The following ARHGAP42 variants were observed in gnomAD, a reference collection of about 807,000 sequenced individuals.
ARHGAP42 encodes the protein Rho GTPase activating protein 42, also known as rho GTPase-activating protein 42.
ARHGAP42 carries 63 observed loss-of-function variants against 125.0 expected under a neutral mutation model. That is an observed-to-expected ratio of 0.50 (90% CI 0.41 to 0.62). The LOEUF is 0.62. ARHGAP42 is among the 20% of genes least tolerant of loss of function. The pLI, the probability that ARHGAP42 is intolerant of heterozygous loss-of-function variation, is 0.00. For missense variants in ARHGAP42, 766 were observed against 1,024.2 expected (o/e 0.75, Z 3.44); for synonymous variants, 339 against 351.0 (o/e 0.97, Z 0.38).
At chr11:100,860,659 C>G (rs1201900010) in intron 4 of ARHGAP42, among the ~76,000 whole-genome samples, 1 of 152,024 alleles carries the variant, frequency 6.6e-6, no homozygotes, top group African/African-American at 2.4e-5. Context: ...CTTCATATCC[C>G]AGCACCAGAA....
intron 3 of ARHGAP42, among the ~76,000 whole-genome samples, chr11:100,800,659 G>A (rs1005685496): frequency 6.6e-6 from 1 of 152,162 alleles, no homozygotes; most frequent in East Asian, 1.9e-4. Context: ...TCTTCTTTTG[G>A]CCATGTTTCT....
intron 3 of ARHGAP42, among the ~76,000 whole-genome samples, chr11:100,845,135 TAC>T (rs1286884762): frequency 3.3e-5 from 5 of 152,020 alleles, no homozygotes; most frequent in South Asian, 2.1e-4. Context: ...TATATATGTA[TAC>T]ACACACATAT....
chr11:100,971,310 T>G (rs1291022314), intron 17 of ARHGAP42, among the ~76,000 whole-genome samples: 2 of 152,192 alleles, frequency 1.3e-5, no homozygotes, highest in Non-Finnish European at 2.9e-5. Flanking sequence ...TTTCCATAAG[T>G]AGAACTCTTA....
At chr11:100,688,371 G>T (rs981436264) in intron 1 of ARHGAP42, among the ~76,000 whole-genome samples, 7 of 152,178 alleles carry the variant, frequency 4.6e-5, no homozygotes, top group African/African-American at 1.7e-4. Context: ...CAAGGCACCA[G>T]TGCATTTTAA....
intron 6 of ARHGAP42, among the ~76,000 whole-genome samples, chr11:100,925,181 T>C (rs1867386558): frequency 6.6e-6 from 1 of 151,996 alleles, no homozygotes; most frequent in Non-Finnish European, 1.5e-5. Flanking sequence ...TTTTTTCCAG[T>C]TTATTATATT....
At chr11:100,731,177 T>G (rs77065624) in intron 1 of ARHGAP42, among the ~76,000 whole-genome samples, 1 of 152,082 alleles carries the variant, frequency 6.6e-6, no homozygotes, top group African/African-American at 2.4e-5. Flanking sequence ...TTTTTTTTTT[T>G]GAGATGCAGT....
chr11:100,795,295 G>A (rs1863683560), intron 3 of ARHGAP42, 129 bp downstream of exon 3: 6 of 576,006 alleles, frequency 1.0e-5, no homozygotes, highest in South Asian at 3.6e-5. Flanking sequence ...ATTTTTACAT[G>A]TATTTTTGAA....
intron 17 of ARHGAP42, among the ~76,000 whole-genome samples, chr11:100,972,719 T>G (rs1858282314): frequency 6.6e-6 from 1 of 152,178 alleles, no homozygotes; most frequent in Non-Finnish European, 1.5e-5. Flanking sequence ...TTTTTAAAAT[T>G]TGTACGATAG....
chr11:100,762,620 CAG>C (rs1260968205), intron 1 of ARHGAP42, among the ~76,000 whole-genome samples: 1 of 152,082 alleles, frequency 6.6e-6, no homozygotes, highest in Non-Finnish European at 1.5e-5. Context: ...GTATATAAAA[CAG>C]AAAATAGCAA....
intron 1 of ARHGAP42, among the ~76,000 whole-genome samples, chr11:100,742,456 G>A (rs1862210007): frequency 1.3e-5 from 2 of 152,156 alleles, no homozygotes; most frequent in Admixed American, 1.3e-4. Context: ...CTGGGTGGTG[G>A]TGGTCATATA....
chr11:100,921,631 G>A (rs1217079467), intron 6 of ARHGAP42, 27 bp downstream of exon 6: 6 of 1,385,606 alleles, frequency 4.3e-6, no homozygotes, highest in Non-Finnish European at 2.0e-6. Context: ...TGTATAAATG[G>A]TGGGCTCAAA....
chr11:100,801,613 T>C (rs1051726316), intron 3 of ARHGAP42, among the ~76,000 whole-genome samples: 14 of 152,360 alleles, frequency 9.2e-5, no homozygotes, highest in Non-Finnish European at 1.6e-4. Context: ...TTTTGTTTTG[T>C]TGTTTTTGTT....
intron 4 of ARHGAP42, among the ~76,000 whole-genome samples, chr11:100,897,424 C>T (rs576933628): frequency 6.6e-6 from 1 of 152,072 alleles, no homozygotes; most frequent in Admixed American, 6.6e-5. Flanking sequence ...TATAAATTAC[C>T]TTGGGCAGTA....
intron 1 of ARHGAP42, among the ~76,000 whole-genome samples, chr11:100,748,680 AATAG>A (rs1489127997): frequency 6.6e-6 from 1 of 151,014 alleles, no homozygotes; most frequent in Non-Finnish European, 1.5e-5. Flanking sequence ...AGTTGCTGCT[AATAG>A]ATTGAATGCA....
At chr11:100,986,117 G>A (rs1009117077) in intron 22 of ARHGAP42, 30 of 456,468 alleles carry the variant, frequency 6.6e-5, no homozygotes, top group Middle Eastern at 6.5e-4. Flanking sequence ...GACATCGTTC[G>A]TGGAGATTTT....
At chr11:100,888,556 C>G (rs1391356287) in intron 4 of ARHGAP42, among the ~76,000 whole-genome samples, 2 of 152,120 alleles carry the variant, frequency 1.3e-5, no homozygotes, top group East Asian at 3.8e-4. Context: ...AATTGCCATT[C>G]ATTTTATGAC....
rs1284359337 is a variant in ARHGAP42, at chr11:100,990,687, A to C, written c.*1886A>C. 2 of 152,588 alleles carry C rather than the reference A, an allele frequency of 1.3e-5. No homozygotes were observed. Among genetic ancestry groups the C allele is most frequent in the African/African-American group, 4.8e-5 (2 of 41,452 alleles). The allele number at this position is 152,588 out of a possible 1,614,324, so 9.5% of individuals were successfully genotyped here. A position where few individuals can be genotyped will look rare whatever the true frequency, so the allele number is the denominator to read the frequency against. On this transcript the variant is annotated 3_prime_UTR_variant, in exon 24 of 24. Transcript: ENST00000298815. ...TAGTAGTAATAACAGCATTGCTGAC[A>C]CCCTAATTGCCCTCTGCTGGAACAG...
At chr11:100,736,722 C>T (rs185639087) in intron 1 of ARHGAP42, among the ~76,000 whole-genome samples, 3 of 152,170 alleles carry the variant, frequency 2.0e-5, no homozygotes, top group East Asian at 1.9e-4. Context: ...AGGATCTTGA[C>T]GTGTTACTGT....
At chr11:100,716,959 C>T (rs1000752050) in intron 1 of ARHGAP42, among the ~76,000 whole-genome samples, 1 of 152,146 alleles carries the variant, frequency 6.6e-6, no homozygotes, top group Non-Finnish European at 1.5e-5. Flanking sequence ...TCTTGAGATA[C>T]TTAAAGCTAC....
Sources: allele counts gnomAD v4.1 joint callset (sites outside exome capture counted in the v4.1 genomes callset), GRCh38; gene constraint gnomAD v4.1.1; transcripts MANE v1.5; gene names NCBI Gene and HGNC (gene_info 2026-07-23, HGNC 2026-07-21).